The following QRFPR variants were observed in gnomAD, a reference collection of about 807,000 sequenced individuals.
QRFPR encodes pyroglutamylated RF-amide peptide receptor.
QRFPR carries 37 observed loss-of-function variants against 31.3 expected under a neutral mutation model. That is an observed-to-expected ratio of 1.18 (90% confidence interval 0.91 to 1.56). QRFPR has a LOEUF of 1.56. Among genes scored for constraint, QRFPR ranks in the 40% most tolerant of loss-of-function variants. QRFPR has a pLI of 0.00. For synonymous variants in QRFPR, 197 were observed against 192.0 expected (o/e 1.03, Z -0.22); for missense variants, 542 against 532.5 (o/e 1.02, Z -0.18).
At chr4:121,358,337 ACTC>A (rs1028165276) in intron 1 of QRFPR, among the ~76,000 whole-genome samples, 122 of 152,230 alleles carry the variant, frequency 8.0e-4, no homozygotes, top group African/African-American at 2.8e-3. Context: ...TGATGTAAAT[ACTC>A]CTGACAGAGC....
chr4:121,353,094 C>T (rs1455351840), intron 1 of QRFPR, among the ~76,000 whole-genome samples: 1 of 152,062 alleles, frequency 6.6e-6, no homozygotes, highest in Non-Finnish European at 1.5e-5. Context: ...GCATGTACCA[C>T]ATATTCTTTA....
chr4:121,380,733 A>G lies in QRFPR; in HGVS notation c.-86T>C. On this transcript the variant is annotated 5_prime_UTR_variant, in exon 1 of 6. Coordinates refer to ENST00000394427, the MANE Select transcript of QRFPR (RefSeq NM_198179.3). ...GGGGCAGCGAGGGCTTCGGGGGACC[A>G]GCCGGAGGCCGCCTCCCTTCCTCTA... 3.9e-6 allele frequency: 5 copies of G among 1,276,402 alleles called. No homozygotes were observed. In the South Asian group the frequency reaches 4.6e-5, roughly 12 times the overall value. The allele number at this position is 1,276,402 out of a possible 1,614,324, so 79.1% of individuals were successfully genotyped here. A position where few individuals can be genotyped will look rare whatever the true frequency, so the allele number is the denominator to read the frequency against.
At chr4:121,365,837 T>G (rs979117593) in intron 1 of QRFPR, among the ~76,000 whole-genome samples, 1 of 143,126 alleles carries the variant, frequency 7.0e-6, no homozygotes, top group East Asian at 2.1e-4. Flanking sequence ...AAACCAAGCA[T>G]GTAGTTTTAT....
chr4:121,340,704 A>C, intron 1 of QRFPR, 94 bp from the exon 2 acceptor site: 1 of 1,220,490 alleles, frequency 8.2e-7, no homozygotes, highest in Non-Finnish European at 1.1e-6. Context: ...GTCCATTCTG[A>C]GCCTCTGCCA....
chr4:121,342,199 G>T (rs1045799370), intron 1 of QRFPR, among the ~76,000 whole-genome samples: 12 of 152,114 alleles, frequency 7.9e-5, no homozygotes, highest in African/African-American at 2.9e-4. Context: ...ACTTTCTCCT[G>T]CCCTTTGACA....
At chr4:121,369,480 G>T in intron 1 of QRFPR, 1 of 1,169,644 alleles carries the variant, frequency 8.5e-7, no homozygotes, top group Non-Finnish European at 1.2e-6. Flanking sequence ...TTGAGATTAT[G>T]TGCCCGTGGT....
chr4:121,367,537 T>A (rs10014047), intron 1 of QRFPR, among the ~76,000 whole-genome samples: 6,423 of 150,314 alleles, frequency 0.043, 827 homozygotes, highest in African/African-American at 0.15. Context: ...GTTTTTACAG[T>A]TGCTTTGTAA....
At chr4:121,351,361 T>C (rs2110474765) in intron 1 of QRFPR, among the ~76,000 whole-genome samples, 1 of 152,304 alleles carries the variant, frequency 6.6e-6, no homozygotes, top group South Asian at 2.1e-4. Context: ...TAAGAACTGT[T>C]TGTGTGTATA....
intron 1 of QRFPR, chr4:121,369,932 G>T: frequency 2.6e-6 from 2 of 769,554 alleles, no homozygotes; most frequent in Non-Finnish European, 4.8e-6. Flanking sequence ...CTTCTGAGTG[G>T]TGACACCCTT....
chr4:121,329,863 T>C (rs185881730), intron 5 of QRFPR, 149 bp from the exon 6 acceptor site: 96 of 609,436 alleles, frequency 1.6e-4, no homozygotes, highest in African/African-American at 1.6e-3. Flanking sequence ...GCATCTGATA[T>C]CTGAATAAAA....
intron 1 of QRFPR, among the ~76,000 whole-genome samples, chr4:121,366,902 CA>C (rs1726143087): frequency 8.1e-6 from 1 of 124,172 alleles, no homozygotes; most frequent in Admixed American, 8.9e-5. Flanking sequence ...CAGTGCATAG[CA>C]AGGCTCTAGT....
At chr4:121,352,782 A>T (rs1205636266) in intron 1 of QRFPR, among the ~76,000 whole-genome samples, 1 of 152,072 alleles carries the variant, frequency 6.6e-6, no homozygotes, top group African/African-American at 2.4e-5. Context: ...ATTGTTAAAC[A>T]TAGTCACCCT....
Position 121,336,869 on chromosome 4 carries a change from C to CT in QRFPR, c.500-2dup. ...ATGACTGCCACCAGCCAGACCACAC[C>CT]TGTAAAAGTGTTAAAGTCATGAGAG... On this transcript the variant is annotated splice_acceptor_variant, in intron 2 of 5. Transcript: ENST00000394427. LOFTEE classifies it high-confidence loss of function. 6.2e-7 allele frequency: 1 copy of CT among 1,613,900 alleles called. No individual in the cohort carries two copies.
At chr4:121,360,798 C>A (rs1226713483) in intron 1 of QRFPR, among the ~76,000 whole-genome samples, 1 of 152,140 alleles carries the variant, frequency 6.6e-6, no homozygotes, top group Non-Finnish European at 1.5e-5. Context: ...GAATCTGCAT[C>A]TTCCCTTTCT....
intron 1 of QRFPR, among the ~76,000 whole-genome samples, chr4:121,362,856 C>A (rs1340896708): frequency 6.7e-6 from 1 of 150,312 alleles, no homozygotes; most frequent in Admixed American, 6.6e-5. Flanking sequence ...AGATAACTAA[C>A]CATACTTATC....
At chr4:121,337,188 C>G (rs147343858) in intron 2 of QRFPR, among the ~76,000 whole-genome samples, 1 of 152,168 alleles carries the variant, frequency 6.6e-6, no homozygotes, top group Admixed American at 6.5e-5. Context: ...TGTCCATGCT[C>G]TTCACACCGC....
At chr4:121,332,541 C>T (rs141776101) in intron 4 of QRFPR, among the ~76,000 whole-genome samples, 58 of 152,280 alleles carry the variant, frequency 3.8e-4, no homozygotes, top group African/African-American at 1.4e-3. Context: ...GTTCTGACAC[C>T]AGCCCACAGT....
chr4:121,328,807 G>C lies in QRFPR; in HGVS notation c.*507C>G, dbSNP rs1417822079. On this transcript the variant is annotated 3_prime_UTR_variant, in exon 6 of 6. Coordinates refer to ENST00000394427, the MANE Select transcript of QRFPR (RefSeq NM_198179.3). ...GTCTCGCTCTTTCGCCCAGGCTGGA[G>C]TGCAGTGGCATGATCTCGGATCACT... is the stretch of plus-strand genomic sequence containing the variant. Among the ~76,000 whole-genome samples, 3 of 152,168 alleles carry C rather than the reference G, an allele frequency of 2.0e-5. No individual in the cohort carries two copies. The highest frequency in any genetic ancestry group is 2.9e-5 in the Non-Finnish European group (2 of 68,036).
chr4:121,360,756 A>G (rs1270682268), intron 1 of QRFPR, among the ~76,000 whole-genome samples: 1 of 152,200 alleles, frequency 6.6e-6, no homozygotes, highest in Non-Finnish European at 1.5e-5. Context: ...ATGAAGCTCA[A>G]ACTCCTTAAC....
Sources: allele counts gnomAD v4.1 joint callset (sites outside exome capture counted in the v4.1 genomes callset), GRCh38; gene constraint gnomAD v4.1.1; transcripts MANE v1.5; gene names NCBI Gene and HGNC (gene_info 2026-07-23, HGNC 2026-07-21).